The following CHD8 variants were observed in gnomAD, a reference collection of about 807,000 sequenced individuals.
The protein encoded by CHD8 is chromodomain helicase DNA binding protein 8.
In CHD8, 31 loss-of-function variants were observed where a neutral mutation model predicts 279.2. That is an observed-to-expected ratio of 0.11 (90% CI 0.08 to 0.15). The LOEUF is 0.15. Ranked by LOEUF, CHD8 falls within the 10% of genes least tolerant of loss-of-function variation. The probability of loss-of-function intolerance (pLI) is 1.00; values close to 1 mark genes in which losing one functional copy is unlikely to be tolerated. For synonymous variants in CHD8, 1,081 were observed against 1,139.6 expected (o/e 0.95, Z 1.04); for missense variants, 2,146 against 3,230.5 (o/e 0.66, Z 8.14).
At chr14:21,455,327 T>C (rs1212743181) in intron 1 of CHD8, among the ~76,000 whole-genome samples, 2 of 152,150 alleles carry the variant, frequency 1.3e-5, no homozygotes, top group Admixed American at 6.5e-5. Flanking sequence ...CCTGCGACAC[T>C]AGAGACAGGT....
chr14:21,430,070 TGCCTCCTTGTA>T (rs1889500460), intron 2 of CHD8: 1 of 153,332 alleles, frequency 6.5e-6, no homozygotes, highest in Non-Finnish European at 1.5e-5. Context: ...AATTGAAATC[TGCCTCCTTGTA>T]GCTTCTTCCC....
intron 30 of CHD8, 127 bp from the exon 31 acceptor site, chr14:21,394,612 A>C: frequency 3.6e-6 from 2 of 558,746 alleles, no homozygotes; most frequent in Admixed American, 6.9e-5. Context: ...ACGCAAAAAA[A>C]AAAAAAAAAA....
Position 21,403,782 on chromosome 14 carries a change from A to G in CHD8, c.3308-119T>C. On this transcript the variant is annotated intron_variant, in intron 16 of 37. Transcript: ENST00000646647. The surrounding 1 kb of genome is among the most constrained non-coding windows in gnomAD (Gnocchi z 4.3). Reference sequence around the variant, plus strand: ...ATTTGACTTAAGACCAACATTTCTCACACACAGAATTTCAGCACAAAAAAG... The same window carrying G: ...ATTTGACTTAAGACCAACATTTCTCGCACACAGAATTTCAGCACAAAAAAG... The G allele has an allele frequency of 1.2e-6, 1 of 866,452 alleles. No homozygotes were observed. The highest frequency in any genetic ancestry group is 1.8e-6 in the Non-Finnish European group (1 of 557,188). 53.7% of individuals were successfully genotyped at this position (866,452 alleles called of 1,614,324 possible). A position where few individuals can be genotyped will look rare whatever the true frequency, so the allele number is the denominator to read the frequency against.
At position 21,392,491 on chromosome 14, in the gene CHD8, C is replaced by A; in HGVS notation, c.6771+16G>T. On this transcript the variant is annotated intron_variant, in intron 34 of 37. Transcript: ENST00000646647. ...GCCTCCTTCCCCACTTCCCAATGCC[C>A]AAATGCTGAGCTTACATCTTTGATT... The A allele has an allele frequency of 6.2e-7, 1 of 1,603,486 alleles. No individual in the cohort carries two copies. The highest frequency in any genetic ancestry group is 8.5e-7 in the Non-Finnish European group (1 of 1,173,826).
intron 5 of CHD8, among the ~76,000 whole-genome samples, chr14:21,421,726 C>T (rs1257759575): frequency 6.6e-6 from 1 of 152,146 alleles, no homozygotes; most frequent in African/African-American, 2.4e-5. Flanking sequence ...ATTGCATCCC[C>T]CCACCAAATC....
Position 21,402,173 on chromosome 14 carries a change from G to A in CHD8, c.3883-37C>T, listed in dbSNP as rs757468474. On this transcript the variant is annotated intron_variant, in intron 19 of 37. Transcript: ENST00000646647. The surrounding 1 kb of genome is among the most constrained non-coding windows in gnomAD (Gnocchi z 4.5). ...AATAGAAAGATGAAAAGACTATCAA[G>A]AGAATAATATCTAACCATGCCATAA... is the stretch of plus-strand genomic sequence containing the variant. 91 of 1,520,154 alleles carry A rather than the reference G, an allele frequency of 6.0e-5. No homozygotes were observed. Among genetic ancestry groups the A allele is most frequent in the Non-Finnish European group, 7.9e-5 (88 of 1,118,914 alleles). 94.2% of individuals were successfully genotyped at this position (1,520,154 alleles called of 1,614,324 possible). A position where few individuals can be genotyped will look rare whatever the true frequency, so the allele number is the denominator to read the frequency against.
rs1225783441 is a variant in CHD8, at chr14:21,405,529, A to G, written c.3052-65T>C. ...GAGGGCGAACATTCTCACATTATGT[A>G]GAAACATGGAAAAATTAGAGTTTTC... is the stretch of plus-strand genomic sequence containing the variant. On this transcript the variant is annotated intron_variant, in intron 15 of 37. Coordinates refer to ENST00000646647, the MANE Select transcript of CHD8 (RefSeq NM_001170629.2). The surrounding 1 kb of genome is among the most constrained non-coding windows in gnomAD (Gnocchi z 4.2). 17 of 1,553,740 alleles carry G rather than the reference A, an allele frequency of 1.1e-5. No homozygotes were observed. In the Admixed American group the frequency reaches 3.5e-4, roughly 32 times the overall value.
At position 21,406,810 on chromosome 14, in the gene CHD8, C is replaced by T. The variant is rs370847692; in HGVS notation, c.2907+46G>A. On this transcript the variant is annotated intron_variant, in intron 14 of 37. Transcript: ENST00000646647. ...GTTATTTTAATACCGCAAGGAATTACGGTTTATTCCAGGTGTTTCTGCTCA... is the reference window on the plus strand; with the variant it reads ...GTTATTTTAATACCGCAAGGAATTATGGTTTATTCCAGGTGTTTCTGCTCA... 1.4e-3 allele frequency: 2,064 copies of T among 1,515,066 alleles called. 32 individuals are homozygous for T. The South Asian group carries it at 0.018, about 13-fold the overall frequency. 93.9% of individuals were successfully genotyped at this position (1,515,066 alleles called of 1,614,324 possible). A position where few individuals can be genotyped will look rare whatever the true frequency, so the allele number is the denominator to read the frequency against.
At chr14:21,427,593 G>A (rs1396751938) in intron 4 of CHD8, 13 of 1,434,716 alleles carry the variant, frequency 9.1e-6, no homozygotes, top group Admixed American at 2.6e-5. Context: ...GTAGCAAGGA[G>A]CACTCACTTG....
rs747829374 is a variant in CHD8, at chr14:21,405,169, G to A, written c.3307+40C>T. ...AGAATCATCCGGAAAGTAAACACAG[G>A]TACTACAGAAGTTCAGGTATATACC... On this transcript the variant is annotated intron_variant, in intron 16 of 37. Coordinates refer to ENST00000646647, the MANE Select transcript of CHD8 (RefSeq NM_001170629.2). This position sits in a 1 kb window ranked among gnomAD's most constrained non-coding sequence, Gnocchi z 4.2. 1.0e-5 allele frequency: 16 copies of A among 1,598,792 alleles called. 1 individual carries two copies. In the South Asian group the frequency reaches 1.6e-4, roughly 16 times the overall value.
At chr14:21,443,628 G>GCA (rs1890040036) in intron 1 of CHD8, among the ~76,000 whole-genome samples, 1 of 151,972 alleles carries the variant, frequency 6.6e-6, no homozygotes, top group African/African-American at 2.4e-5. Context: ...GCCGAGGTGG[G>GCA]TGGATCACGA....
chr14:21,391,422 A>C, intron 36 of CHD8, 41 bp downstream of exon 36: 2 of 1,587,980 alleles, frequency 1.3e-6, no homozygotes, highest in Non-Finnish European at 8.6e-7. Flanking sequence ...TAAATACCAA[A>C]GGAATGACTT....
intron 37 of CHD8, 164 bp from the exon 38 acceptor site, chr14:21,386,340 A>G (rs1238732687): frequency 3.1e-6 from 2 of 637,782 alleles, no homozygotes; most frequent in Non-Finnish European, 5.3e-6. Flanking sequence ...AATGGGAAGG[A>G]GGAAATGCTG....
chr14:21,397,144 A>G (rs1887823658), intron 27 of CHD8: 1 of 261,050 alleles, frequency 3.8e-6, no homozygotes, highest in Non-Finnish European at 8.1e-6. Flanking sequence ...TTCTGAGCAG[A>G]CAGGTGGCAT....
rs776713016 is a variant in CHD8, at chr14:21,407,029, G to A, written c.2734C>T (p.Arg912Cys). The change falls in exon 14 of 38, where the codon CGC becomes TGC. Residue 912 changes from arginine to cysteine, a missense_variant. Physicochemically the swap from Arg to Cys is radical, Grantham distance 180. Coordinates refer to ENST00000646647, the MANE Select transcript of CHD8 (RefSeq NM_001170629.2). ...AACTTGTATGCGCCTGGGATGAGGCGTCCCTAAGCATGAAGGCAGTAAAGT... is the reference window on the plus strand; with the variant it reads ...AACTTGTATGCGCCTGGGATGAGGCATCCCTAAGCATGAAGGCAGTAAAGT... ...YEMYCKDSRG[R>C]LIPGAYKFDA... 11 of 1,574,018 alleles carry A rather than the reference G, an allele frequency of 7.0e-6. No individual in the cohort carries two copies. The highest frequency in any genetic ancestry group is 1.9e-5 in the Admixed American group (1 of 52,556).
chr14:21,393,295 G>GA, intron 32 of CHD8, 41 bp from the exon 33 acceptor site: 1 of 1,610,796 alleles, frequency 6.2e-7, no homozygotes, highest in Non-Finnish European at 8.5e-7. Context: ...AAAGATGGAA[G>GA]AATAATGTCA....
rs1239673520 is a variant in CHD8, at chr14:21,403,705, C to T, written c.3308-42G>A. 1 of 1,479,662 alleles carries T rather than the reference C, an allele frequency of 6.8e-7. No homozygotes were observed. Among genetic ancestry groups the T allele is most frequent in the Non-Finnish European group, 9.3e-7 (1 of 1,080,884 alleles). 91.7% of individuals were successfully genotyped at this position (1,479,662 alleles called of 1,614,324 possible). A position where few individuals can be genotyped will look rare whatever the true frequency, so the allele number is the denominator to read the frequency against. On this transcript the variant is annotated intron_variant, in intron 16 of 37. Coordinates refer to ENST00000646647, the MANE Select transcript of CHD8 (RefSeq NM_001170629.2). This position sits in a 1 kb window ranked among gnomAD's most constrained non-coding sequence, Gnocchi z 4.3. ...CAAATTATGTTGAGATCCAGTGAAC[C>T]ATATTAAGGTTGTAGTCTATTTAAC...
At position 21,394,486 on chromosome 14, in the gene CHD8, C is replaced by A; in HGVS notation, c.5391-1G>T. On this transcript the variant is annotated splice_acceptor_variant, in intron 30 of 37. Transcript: ENST00000646647. LOFTEE classifies it high-confidence loss of function. ...ATCAGTTTGTTCACGCCTTGTCCATCTACAAAAGGAAAAGTAGGGCAACAA... is the reference window on the plus strand; with the variant it reads ...ATCAGTTTGTTCACGCCTTGTCCATATACAAAAGGAAAAGTAGGGCAACAA... The A allele has an allele frequency of 6.3e-7, 1 of 1,583,354 alleles. No individual in the cohort carries two copies. The highest frequency in any genetic ancestry group is 8.6e-7 in the Non-Finnish European group (1 of 1,163,488).
Position 21,431,305 on chromosome 14 carries a change from C to T in CHD8, c.339G>A (p.Ser113=), listed in dbSNP as rs1166832405. The change falls in exon 2 of 38, where the codon TCG becomes TCA. Residue 113 remains serine (S), a synonymous_variant. Coordinates refer to ENST00000646647, the MANE Select transcript of CHD8 (RefSeq NM_001170629.2). ...CTTGCAAAAGTCCTGATGTTGGCGT[C>T]GATGTCTGTAAGACAGGTTGGGCTG... ...EQPAQPVLQT[S]TPTSGLLQVS... The T allele has an allele frequency of 1.0e-5, 16 of 1,556,318 alleles. No individual in the cohort carries two copies. The highest frequency in any genetic ancestry group is 9.5e-5 in the East Asian group (4 of 42,310).
Sources: gnomAD v4.1 joint callset for allele counts (sites outside exome capture counted in the v4.1 genomes callset) on GRCh38, gnomAD v4.1.1 for gene constraint, Gnocchi (gnomAD v3.1) non-coding constraint, MANE v1.5 for transcripts, NCBI Gene and HGNC (gene_info 2026-07-23, HGNC 2026-07-21) for gene names.